VAV2: variants seen among roughly 807,000 people sequenced by gnomAD.
VAV2 encodes the protein guanine nucleotide exchange factor VAV2.
A neutral mutation model predicts 132.5 loss-of-function variants in VAV2; 67 were observed. That is an observed-to-expected ratio of 0.51 (90% CI 0.42 to 0.62). VAV2 has a LOEUF of 0.62. Ranked by LOEUF, VAV2 falls within the 20% of genes least tolerant of loss-of-function variation. The pLI is 0.00. For missense variants in VAV2, 938 were observed against 1,153.6 expected, an observed-to-expected ratio of 0.81 and a Z score of 2.71; for synonymous variants, 492 against 443.5, an observed-to-expected ratio of 1.11 and a Z score of -1.37.
chr9:133,843,707 C>A (rs542754861), intron 3 of VAV2, among the ~76,000 whole-genome samples: 247 of 152,218 alleles, frequency 1.6e-3, no homozygotes, highest in Non-Finnish European at 2.8e-3. Flanking sequence ...GGGGCTGGAG[C>A]AGGCAGCCCG....
rs1346757500 is a variant in VAV2, at chr9:133,991,023, G to A, written c.204+1052C>T. ...AGGCCTCGCTGCCCAGCCTGGAATC[G>A]CTGGTGACTCACTCTCCCTCCTTCC... On this transcript the variant is annotated intron_variant, in intron 1 of 29. Coordinates refer to ENST00000371850, the MANE Select transcript of VAV2 (RefSeq NM_001134398.2). This position sits in a 1 kb window ranked among gnomAD's most constrained non-coding sequence, Gnocchi z 4.8. 1.3e-5 allele frequency among the ~76,000 whole-genome samples: 2 copies of A among 152,194 alleles called. No individual in the cohort carries two copies. The highest frequency in any genetic ancestry group is 2.9e-5 in the Non-Finnish European group (2 of 68,036).
At chr9:133,784,517 G>T in intron 17 of VAV2, 99 bp from the exon 18 acceptor site, 1 of 1,333,946 alleles carries the variant, frequency 7.5e-7, no homozygotes, top group Non-Finnish European at 1.1e-6. Flanking sequence ...GACCCAGGCT[G>T]TGCAGAATCC....
At chr9:133,809,188 G>T in intron 6 of VAV2, 50 bp from the exon 7 acceptor site, 1 of 1,521,006 alleles carries the variant, frequency 6.6e-7, no homozygotes, top group Non-Finnish European at 9.1e-7. Context: ...CCGGCCACCT[G>T]CCACCTGCAC....
At chr9:133,820,288 G>A (rs1835733024) in intron 4 of VAV2, among the ~76,000 whole-genome samples, 1 of 152,042 alleles carries the variant, frequency 6.6e-6, no homozygotes, top group Non-Finnish European at 1.5e-5. Context: ...TGGCTTCTTG[G>A]CAAAGATGCC....
At chr9:133,986,916 G>C (rs1436954272) in intron 1 of VAV2, among the ~76,000 whole-genome samples, 1 of 152,146 alleles carries the variant, frequency 6.6e-6, no homozygotes, top group East Asian at 1.9e-4. Context: ...AGCCTCATGA[G>C]AGCAGGGACA....
At chr9:133,892,998 C>T (rs897573684) in intron 2 of VAV2, among the ~76,000 whole-genome samples, 3 of 152,194 alleles carry the variant, frequency 2.0e-5, no homozygotes, top group African/African-American at 2.4e-5. Flanking sequence ...TCTTCCTGGT[C>T]GTGAGGAGCA....
At chr9:133,972,876 A>G (rs1398101980) in intron 1 of VAV2, among the ~76,000 whole-genome samples, 1 of 152,148 alleles carries the variant, frequency 6.6e-6, no homozygotes, top group Non-Finnish European at 1.5e-5. Context: ...ATCTTCCTTC[A>G]TCACTTAACC....
At chr9:133,917,243 T>C (rs146672982) in intron 2 of VAV2, among the ~76,000 whole-genome samples, 3 of 152,242 alleles carry the variant, frequency 2.0e-5, no homozygotes, top group Non-Finnish European at 4.4e-5. Flanking sequence ...CTGTTCCTGA[T>C]GTGAACCCAT....
intron 3 of VAV2, among the ~76,000 whole-genome samples, chr9:133,836,338 C>T (rs949085712): frequency 5.9e-5 from 9 of 152,196 alleles, no homozygotes; most frequent in African/African-American, 2.2e-4. Flanking sequence ...CTGCCAGGAC[C>T]AGCCCTGGGC....
At chr9:133,897,411 C>T (rs1312849474) in intron 2 of VAV2, among the ~76,000 whole-genome samples, 1 of 152,160 alleles carries the variant, frequency 6.6e-6, no homozygotes, top group Non-Finnish European at 1.5e-5. Context: ...TGTAACCCAC[C>T]ATCTGGCCCA....
At chr9:133,847,065 GCCC>G (rs1268027062) in intron 3 of VAV2, among the ~76,000 whole-genome samples, 1 of 152,198 alleles carries the variant, frequency 6.6e-6, no homozygotes, top group East Asian at 1.9e-4. Context: ...AGCTGTCCAG[GCCC>G]CCAACTACCC....
intron 2 of VAV2, among the ~76,000 whole-genome samples, chr9:133,890,716 C>T (rs1192200406): frequency 6.6e-6 from 1 of 152,188 alleles, no homozygotes; most frequent in Non-Finnish European, 1.5e-5. Flanking sequence ...GAAACAGCTG[C>T]CTCCCCTGCT....
intron 1 of VAV2, among the ~76,000 whole-genome samples, chr9:133,978,920 T>G (rs433035): frequency 0.27 from 40,988 of 152,202 alleles, 6,227 homozygotes; most frequent in Middle Eastern, 0.38. Flanking sequence ...CACCTGAGCC[T>G]GGGGCTGGCC....
chr9:133,972,443 A>T (rs1842367440), intron 1 of VAV2, among the ~76,000 whole-genome samples: 1 of 152,168 alleles, frequency 6.6e-6, no homozygotes, highest in Non-Finnish European at 1.5e-5. Context: ...AGAAAAATGG[A>T]GATTCACCCA....
intron 3 of VAV2, among the ~76,000 whole-genome samples, chr9:133,843,904 C>T (rs1011361809): frequency 4.6e-5 from 7 of 152,032 alleles, no homozygotes; most frequent in African/African-American, 1.5e-4. Flanking sequence ...GGCACAACCA[C>T]TGCCATAGCC....
chr9:133,769,593 G>C lies in VAV2; in HGVS notation c.2348-90C>G. 3 of 1,369,982 alleles carry C rather than the reference G, an allele frequency of 2.2e-6. No individual in the cohort carries two copies. The highest frequency in any genetic ancestry group is 3.0e-6 in the Non-Finnish European group (3 of 995,442). The allele number at this position is 1,369,982 out of a possible 1,614,324, so 84.9% of individuals were successfully genotyped here. A position where few individuals can be genotyped will look rare whatever the true frequency, so the allele number is the denominator to read the frequency against. ...ACAGCTACAGGCCGGGGGGCATGGG[G>C]TGGGGCAGGCCCTTTGGCAGGAGAG... On this transcript the variant is annotated intron_variant, in intron 27 of 29. Transcript: ENST00000371850. This position sits in a 1 kb window ranked among gnomAD's most constrained non-coding sequence, Gnocchi z 8.1.
chr9:133,902,140 C>T (rs994267625), intron 2 of VAV2, among the ~76,000 whole-genome samples: 1 of 151,370 alleles, frequency 6.6e-6, no homozygotes, highest in African/African-American at 2.4e-5. Context: ...CAATTTAAGG[C>T]CAGGCCCATC....
Position 133,783,596 on chromosome 9 carries a change from A to ACAGGGGAGGG in VAV2, c.1635-15_1635-6dup. ...TATCCCTGGTAGAAGGTGCCCCTGCACAGGGGAGGGCAGGAGGTGAGGTCG... is the reference window on the plus strand; with the variant it reads ...TATCCCTGGTAGAAGGTGCCCCTGCACAGGGGAGGGCAGGGGAGGGCAGGAGGTGAGGTCG... On this transcript the variant is annotated splice_polypyrimidine_tract_variant and splice_region_variant and intron_variant, in intron 18 of 29. Coordinates refer to ENST00000371850, the MANE Select transcript of VAV2 (RefSeq NM_001134398.2). The ACAGGGGAGGG allele has an allele frequency of 3.1e-6, 5 of 1,613,848 alleles. No individual in the cohort carries two copies. Among genetic ancestry groups the ACAGGGGAGGG allele is most frequent in the Non-Finnish European group, 3.4e-6 (4 of 1,179,906 alleles).
At chr9:133,905,433 CAAAAAAAA>C (rs5901029) in intron 2 of VAV2, among the ~76,000 whole-genome samples, 1 of 113,302 alleles carries the variant, frequency 8.8e-6, no homozygotes, top group Non-Finnish European at 1.7e-5. Flanking sequence ...GAAACTGTCT[CAAAAAAAA>C]AAAAAAAAAG....
Sources: gnomAD v4.1 joint callset for allele counts (sites outside exome capture counted in the v4.1 genomes callset) on GRCh38, gnomAD v4.1.1 for gene constraint, Gnocchi (gnomAD v3.1) non-coding constraint, MANE v1.5 for transcripts, NCBI Gene and HGNC (gene_info 2026-07-23, HGNC 2026-07-21) for gene names.